GRIP1: variants seen among roughly 807,000 people sequenced by gnomAD.
GRIP1 encodes glutamate receptor-interacting protein 1.
A neutral mutation model predicts 129.9 loss-of-function variants in GRIP1; 45 were observed. That is an observed-to-expected ratio of 0.35 (90% CI 0.27 to 0.44). GRIP1 has a LOEUF of 0.44. Ranked by LOEUF, GRIP1 falls within the 20% of genes least tolerant of loss-of-function variation. The pLI, the probability that GRIP1 is intolerant of heterozygous loss-of-function variation, is 1.00. For missense variants in GRIP1, 1,196 were observed against 1,396.8 expected (o/e 0.86, Z 2.29); for synonymous variants, 530 against 520.8 (o/e 1.02, Z -0.24).
At chr12:66,785,360 A>ATG (rs1555237417) in intron 1 of GRIP1, among the ~76,000 whole-genome samples, 1 of 143,118 alleles carries the variant, frequency 7.0e-6, no homozygotes, top group Non-Finnish European at 1.5e-5. Context: ...ATATATATAT[A>ATG]TATTAGTTGG....
chr12:66,945,516 AG>A (rs1205463011), intron 1 of GRIP1, among the ~76,000 whole-genome samples: 2 of 151,688 alleles, frequency 1.3e-5, no homozygotes, highest in African/African-American at 4.8e-5. Flanking sequence ...AATCACAGCA[AG>A]GGGAGAAGTC....
At chr12:66,815,439 A>G (rs2039188753) in intron 1 of GRIP1, among the ~76,000 whole-genome samples, 1 of 152,118 alleles carries the variant, frequency 6.6e-6, no homozygotes, top group Admixed American at 6.6e-5. Context: ...TAGTTTGGAT[A>G]CTAGTTCAGG....
At position 66,867,100 on chromosome 12, in the gene GRIP1, T is replaced by C. The variant is rs561254767; in HGVS notation, c.58+201950A>G. On this transcript the variant is annotated intron_variant, in intron 1 of 1. Coordinates refer to the GRIP1 transcript ENST00000643019. ...ACCTCCCAGGTTCAAGTGATTCTCC[T>C]GCTTCAGCTTCTCGAGTAGCTGAGA... 5.9e-5 allele frequency among the ~76,000 whole-genome samples: 9 copies of C among 152,320 alleles called. No individual in the cohort carries two copies. The South Asian group carries it at 6.2e-4, about 11-fold the overall frequency.
chr12:66,999,230 T>A (rs998128087), intron 1 of GRIP1, among the ~76,000 whole-genome samples: 1 of 152,228 alleles, frequency 6.6e-6, no homozygotes, highest in African/African-American at 2.4e-5. Flanking sequence ...TGGGTTATCT[T>A]ATCAATTTTC....
intron 1 of GRIP1, among the ~76,000 whole-genome samples, chr12:66,892,768 C>T (rs2040682906): frequency 9.4e-6 from 1 of 106,826 alleles, no homozygotes; most frequent in South Asian, 2.7e-4. Flanking sequence ...TTGAGGCAAG[C>T]CTAGGCAACA....
intron 2 of GRIP1, among the ~76,000 whole-genome samples, chr12:66,577,237 A>C (rs1391337135): frequency 6.6e-6 from 1 of 152,234 alleles, no homozygotes; most frequent in African/African-American, 2.4e-5. Flanking sequence ...AAAGATTAGA[A>C]GAGCCAGTGG....
At chr12:66,785,139 G>A (rs1181779618) in intron 1 of GRIP1, among the ~76,000 whole-genome samples, 1 of 151,556 alleles carries the variant, frequency 6.6e-6, no homozygotes, top group African/African-American at 2.4e-5. Flanking sequence ...GAGGGAAGTA[G>A]AAAAAAGTTA....
chr12:66,847,813 T>C lies in GRIP1; in HGVS notation c.58+221237A>G, dbSNP rs146642488. On this transcript the variant is annotated intron_variant, in intron 1 of 1. Coordinates refer to the GRIP1 transcript ENST00000643019. Reference sequence around the variant, plus strand: ...AATGGTGGCTGGGTAAATGGTAAAATGGTAGTTAAAAACTCATTTCAAGAT... The same window carrying C: ...AATGGTGGCTGGGTAAATGGTAAAACGGTAGTTAAAAACTCATTTCAAGAT... 3.0e-3 allele frequency among the ~76,000 whole-genome samples: 464 copies of C among 152,272 alleles called. 1 individual carries two copies. The highest frequency in any genetic ancestry group is 5.3e-3 in the Non-Finnish European group (363 of 68,026).
chr12:66,459,096 T>C (rs1226875901), intron 9 of GRIP1, among the ~76,000 whole-genome samples: 2 of 152,244 alleles, frequency 1.3e-5, no homozygotes, highest in African/African-American at 4.8e-5. Flanking sequence ...AGTAGGGATA[T>C]ACTTTGCCTG....
chr12:66,897,947 G>T (rs189844102), intron 1 of GRIP1, among the ~76,000 whole-genome samples: 516 of 152,162 alleles, frequency 3.4e-3, no homozygotes, highest in Non-Finnish European at 5.8e-3. Flanking sequence ...GCAAAACAAA[G>T]AAAAATAATC....
At chr12:66,772,171 TGTGCTCATAGATGGCA>T (rs1364268141) in intron 1 of GRIP1, among the ~76,000 whole-genome samples, 1 of 152,232 alleles carries the variant, frequency 6.6e-6, no homozygotes, top group Non-Finnish European at 1.5e-5. Flanking sequence ...TCCAAGGTCA[TGTGCTCATAGATGGCA>T]GTGCCAGAAT....
chr12:66,555,471 C>T (rs547848945), intron 2 of GRIP1, among the ~76,000 whole-genome samples: 124 of 152,254 alleles, frequency 8.1e-4, no homozygotes, highest in Non-Finnish European at 1.5e-3. Flanking sequence ...CAGACTGCGA[C>T]GACTACAATA....
intron 2 of GRIP1, among the ~76,000 whole-genome samples, chr12:66,589,392 C>T (rs2063770250): frequency 6.6e-6 from 1 of 152,168 alleles, no homozygotes; most frequent in African/African-American, 2.4e-5. Context: ...AAGCCTTTCA[C>T]TGTCATTCAA....
At chr12:66,459,369 C>T (rs1377105266) in intron 9 of GRIP1, among the ~76,000 whole-genome samples, 1 of 152,092 alleles carries the variant, frequency 6.6e-6, no homozygotes, top group Non-Finnish European at 1.5e-5. Flanking sequence ...CTGTGTTTGG[C>T]CAATTTACAA....
At chr12:66,757,811 C>T (rs2037344182) in intron 1 of GRIP1, among the ~76,000 whole-genome samples, 3 of 152,154 alleles carry the variant, frequency 2.0e-5, no homozygotes, top group Admixed American at 1.3e-4. Flanking sequence ...GACGATATCT[C>T]ACTGTAGTTT....
At position 66,943,157 on chromosome 12, in the gene GRIP1, C is replaced by T. The variant is rs184052692; in HGVS notation, c.58+125893G>A. 2.4e-4 allele frequency among the ~76,000 whole-genome samples: 36 copies of T among 152,272 alleles called. No homozygotes were observed. The Middle Eastern group carries it at 0.014, about 58-fold the overall frequency. ...TCTAGAATCTATTCATCTTCTAATA[C>T]ACATCTTCTAATGAACTAATCTTGA... On this transcript the variant is annotated intron_variant, in intron 1 of 1. Coordinates refer to the GRIP1 transcript ENST00000643019.
intron 2 of GRIP1, among the ~76,000 whole-genome samples, chr12:66,560,675 G>A (rs2062493404): frequency 6.6e-6 from 1 of 152,058 alleles, no homozygotes; most frequent in African/African-American, 2.4e-5. Flanking sequence ...AACAAATGCT[G>A]GTGAGGACAT....
intron 1 of GRIP1, among the ~76,000 whole-genome samples, chr12:66,995,496 A>G (rs2042454364): frequency 6.6e-6 from 1 of 152,156 alleles, no homozygotes; most frequent in Non-Finnish European, 1.5e-5. Flanking sequence ...TTAACACTCA[A>G]TAACAAGAAG....
At position 66,960,266 on chromosome 12, in the gene GRIP1, C is replaced by T. The variant is rs150081797; in HGVS notation, c.58+108784G>A. On this transcript the variant is annotated intron_variant, in intron 1 of 1. Transcript: ENST00000643019. Reference sequence around the variant, plus strand: ...GGGTGGGGCTCACCAGTTGTCCAGGCATTAGATGATGATGGTTTGACCTGA... The same window carrying T: ...GGGTGGGGCTCACCAGTTGTCCAGGTATTAGATGATGATGGTTTGACCTGA... 1.2e-4 allele frequency among the ~76,000 whole-genome samples: 19 copies of T among 152,152 alleles called. 1 individual carries two copies. In the East Asian group the frequency reaches 3.5e-3, roughly 28 times the overall value.
Sources: gnomAD v4.1 joint callset for allele counts (sites outside exome capture counted in the v4.1 genomes callset) on GRCh38, gnomAD v4.1.1 for gene constraint, MANE v1.5 for transcripts, NCBI Gene and HGNC (gene_info 2026-07-23, HGNC 2026-07-21) for gene names.